ZBTB8B: variants seen among roughly 807,000 people sequenced by gnomAD.
ZBTB8B encodes the protein zinc finger and BTB domain-containing protein 8B.
A neutral mutation model predicts 30.3 loss-of-function variants in ZBTB8B; 17 were observed. The observed-to-expected ratio is 0.56, with a 90% CI of 0.38 to 0.84. The LOEUF is 0.84. ZBTB8B is among the 40% of genes least tolerant of loss of function. ZBTB8B has a pLI of 0.00. For synonymous variants in ZBTB8B, 248 were observed against 255.6 expected (o/e 0.97, Z 0.28); for missense variants, 515 against 644.9 (o/e 0.80, Z 2.18).
In ZBTB8B at chr1:32,495,596, C is replaced by T. The variant is rs1233348924; in HGVS notation, c.*10178C>T. The T allele has an allele frequency of 6.6e-6, 1 of 152,188 alleles. No homozygotes were observed. The highest frequency in any genetic ancestry group is 1.9e-4 in the East Asian group (1 of 5,196). The allele number at this position is 152,188 out of a possible 1,614,324, so 9.4% of individuals were successfully genotyped here. The stretch of plus-strand genomic sequence containing the variant: ...AAAAGTCCTTTGTTCCTCTGTTGCT[C>T]ATTTTGTCCTCGGAAACAAATACAA... On this transcript the variant is annotated 3_prime_UTR_variant, in exon 4 of 4. Coordinates refer to ENST00000609129, the MANE Select transcript of ZBTB8B (RefSeq NM_001145720.2).
At chr1:32,475,478 C>T (rs555389849) in intron 2 of ZBTB8B, among the ~76,000 whole-genome samples, 3 of 152,062 alleles carry the variant, frequency 2.0e-5, no homozygotes, top group East Asian at 1.9e-4. Flanking sequence ...CCCAGCTACT[C>T]GGGAGGCTGA....
chr1:32,482,290 T>C (rs901403071), intron 3 of ZBTB8B, among the ~76,000 whole-genome samples: 3 of 151,108 alleles, frequency 2.0e-5, no homozygotes, highest in African/African-American at 7.3e-5. Context: ...TGAGCCACCA[T>C]GTGCAGTTAT....
intron 2 of ZBTB8B, among the ~76,000 whole-genome samples, chr1:32,474,758 T>A (rs1246929086): frequency 6.6e-6 from 1 of 152,138 alleles, no homozygotes; most frequent in African/African-American, 2.4e-5. Flanking sequence ...GCAGAGGAAA[T>A]ATGGAGAAAC....
At position 32,485,520 on chromosome 1, in the gene ZBTB8B, T is replaced by A; in HGVS notation, c.*102T>A. On this transcript the variant is annotated 3_prime_UTR_variant, in exon 4 of 4. Transcript: ENST00000609129. ...ATTTTGTGGAACCCTGAGAGGAACATTTTTTCACTGTTATTATATGTGCAT... is the reference window on the plus strand; with the variant it reads ...ATTTTGTGGAACCCTGAGAGGAACAATTTTTCACTGTTATTATATGTGCAT... 1.7e-6 allele frequency: 2 copies of A among 1,159,688 alleles called. No homozygotes were observed. Among genetic ancestry groups the A allele is most frequent in the Non-Finnish European group, 2.4e-6 (2 of 827,522 alleles). The allele number at this position is 1,159,688 out of a possible 1,614,324, so 71.8% of individuals were successfully genotyped here.
Position 32,489,303 on chromosome 1 carries a change from C to G in ZBTB8B, c.*3885C>G, listed in dbSNP as rs1250490856. The G allele has an allele frequency of 6.6e-6, 1 of 152,146 alleles. No homozygotes were observed. Among genetic ancestry groups the G allele is most frequent in the African/African-American group, 2.4e-5 (1 of 41,436 alleles). 9.4% of individuals were successfully genotyped at this position (152,146 alleles called of 1,614,324 possible). A position where few individuals can be genotyped will look rare whatever the true frequency, so the allele number is the denominator to read the frequency against. On this transcript the variant is annotated 3_prime_UTR_variant, in exon 4 of 4. Coordinates refer to ENST00000609129, the MANE Select transcript of ZBTB8B (RefSeq NM_001145720.2). ...ATCATTTTGTTAATTTTTAAAGTAG[C>G]AGAATCACTGGGAAGAAAACAGAAT...
chr1:32,469,657 T>C (rs896766521), intron 1 of ZBTB8B, among the ~76,000 whole-genome samples: 1 of 152,152 alleles, frequency 6.6e-6, no homozygotes, highest in Non-Finnish European at 1.5e-5. Flanking sequence ...ATAGACCTGA[T>C]TTTGAGTCCC....
rs1024285332 is a variant in ZBTB8B at position 32,465,979 on chromosome 1, C to G, written c.-42+874C>G. Among the ~76,000 whole-genome samples the G allele has an allele frequency of 6.6e-6, 1 of 152,084 alleles. No individual in the cohort carries two copies. The highest frequency in any genetic ancestry group is 1.5e-5 in the Non-Finnish European group (1 of 68,020). ...GGAGGATCTCTTGAGCCCAGGAGTT[C>G]CAGGCTGCATTGAGGTAGGATCGTG... On this transcript the variant is annotated intron_variant, in intron 1 of 3. Coordinates refer to ENST00000609129, the MANE Select transcript of ZBTB8B (RefSeq NM_001145720.2). The surrounding 1 kb of genome is among the most constrained non-coding windows in gnomAD (Gnocchi z 4.1).
At position 32,479,260 on chromosome 1, in the gene ZBTB8B, C is replaced by T. The variant is rs557392947; in HGVS notation, c.992-1631C>T. On this transcript the variant is annotated intron_variant, in intron 2 of 3. Coordinates refer to ENST00000609129, the MANE Select transcript of ZBTB8B (RefSeq NM_001145720.2). ...AAATCTCGGGCCGGGCATGGTGGCT[C>T]ATGCCTGTAATCCCAGCACTTTGGG... Among the ~76,000 whole-genome samples the T allele has an allele frequency of 4.6e-5, 7 of 152,286 alleles. No individual in the cohort carries two copies. The South Asian group carries it at 1.0e-3, about 23-fold the overall frequency.
In ZBTB8B at chr1:32,496,341, C is replaced by T. The variant is rs1299787466; in HGVS notation, c.*10923C>T. The T allele has an allele frequency of 6.6e-6, 1 of 152,218 alleles. No homozygotes were observed. Among genetic ancestry groups the T allele is most frequent in the African/African-American group, 2.4e-5 (1 of 41,468 alleles). 9.4% of individuals were successfully genotyped at this position (152,218 alleles called of 1,614,324 possible). ...CTACGTGCCGAGCTCTACAGTTACA[C>T]ACTGTCCAACAGCTCTCGGAAGAAA... On this transcript the variant is annotated 3_prime_UTR_variant, in exon 4 of 4. Transcript: ENST00000609129.
chr1:32,485,467 T>C lies in ZBTB8B; in HGVS notation c.*49T>C. On this transcript the variant is annotated 3_prime_UTR_variant, in exon 4 of 4. Coordinates refer to ENST00000609129, the MANE Select transcript of ZBTB8B (RefSeq NM_001145720.2). The stretch of plus-strand genomic sequence containing the variant: ...GGTTTTAAAACTTGTTAGTGCTCGT[T>C]CTGTTGTTGAAAGATACCATTTGTC... 2.0e-6 allele frequency: 3 copies of C among 1,513,292 alleles called. No individual in the cohort carries two copies. Among genetic ancestry groups the C allele is most frequent in the Non-Finnish European group, 2.7e-6 (3 of 1,120,706 alleles). The allele number at this position is 1,513,292 out of a possible 1,614,324, so 93.7% of individuals were successfully genotyped here.
chr1:32,476,945 A>T (rs151248041), intron 2 of ZBTB8B, among the ~76,000 whole-genome samples: 61 of 152,268 alleles, frequency 4.0e-4, no homozygotes, highest in African/African-American at 1.5e-3. Flanking sequence ...GCTCAGTATA[A>T]ATTTGCTGAA....
At position 32,470,587 on chromosome 1, in the gene ZBTB8B, T is replaced by C. The variant is rs552055978; in HGVS notation, c.-38T>C. Reference sequence around the variant, plus strand: ...AACTTAAGAAAAATCTTGGCAGAGATACAGGTTTGCTCTGGAGCAGCAGCA... The same window carrying C: ...AACTTAAGAAAAATCTTGGCAGAGACACAGGTTTGCTCTGGAGCAGCAGCA... On this transcript the variant is annotated 5_prime_UTR_variant, in exon 2 of 4. Transcript: ENST00000609129. 1 of 1,503,420 alleles carries C rather than the reference T, an allele frequency of 6.7e-7. No homozygotes were observed. The highest frequency in any genetic ancestry group is 2.5e-5 in the East Asian group (1 of 39,494). 93.1% of individuals were successfully genotyped at this position (1,503,420 alleles called of 1,614,324 possible).
chr1:32,484,241 C>T lies in ZBTB8B; in HGVS notation c.1171-860C>T, dbSNP rs1643727865. ...AAAAAAAAAAATCCCAATCAGTTCA[C>T]TTTCATTTGAGTGCTTTTTGTATGC... On this transcript the variant is annotated intron_variant, in intron 3 of 3. Coordinates refer to ENST00000609129, the MANE Select transcript of ZBTB8B (RefSeq NM_001145720.2). The surrounding 1 kb of genome is among the most constrained non-coding windows in gnomAD (Gnocchi z 4.5). 6.6e-6 allele frequency among the ~76,000 whole-genome samples: 1 copy of T among 151,788 alleles called. No homozygotes were observed. The highest frequency in any genetic ancestry group is 1.9e-4 in the East Asian group (1 of 5,178).
At chr1:32,480,062 G>T (rs1643692736) in intron 2 of ZBTB8B, among the ~76,000 whole-genome samples, 1 of 152,222 alleles carries the variant, frequency 6.6e-6, no homozygotes, top group African/African-American at 2.4e-5. Context: ...TCCAAGTTCT[G>T]AAGGTAGTGA....
chr1:32,481,762 TC>T (rs1053984147), intron 3 of ZBTB8B, among the ~76,000 whole-genome samples: 4 of 152,166 alleles, frequency 2.6e-5, no homozygotes, highest in Non-Finnish European at 5.9e-5. Flanking sequence ...CTCTCCCACC[TC>T]CCACCCTCCG....
chr1:32,485,233 G>A lies in ZBTB8B; in HGVS notation c.1303G>A (p.Asp435Asn). The A allele has an allele frequency of 6.4e-7, 1 of 1,552,030 alleles. No homozygotes were observed. Among genetic ancestry groups the A allele is most frequent in the South Asian group, 1.2e-5 (1 of 84,054 alleles). ...TCVTDTPDDD[D>N]DLMPINLSLV... ...CGTTACAGACACACCCGATGATGAT[G>A]ATGATTTGATGCCCATCAACCTTAG... The change falls in exon 4 of 4, where the codon GAT (aspartate) becomes AAT (asparagine). Residue 435 changes from aspartate (D) to asparagine (N), a missense_variant. Around this residue, in one of 3 missense-constraint regions of ZBTB8B, gnomAD observed 429 missense variants for 504.3 expected, o/e 0.85. Coordinates refer to ENST00000609129, the MANE Select transcript of ZBTB8B (RefSeq NM_001145720.2).
At position 32,482,930 on chromosome 1, in the gene ZBTB8B, T is replaced by A. The variant is rs1014816242; in HGVS notation, c.1170+1861T>A. 7.2e-5 allele frequency among the ~76,000 whole-genome samples: 11 copies of A among 152,032 alleles called. No homozygotes were observed. The East Asian group carries it at 2.1e-3, about 29-fold the overall frequency. ...AGGGTAAATGCAAATCAAAGTGAGA[T>A]GCCACTTCCCACCCACTAGGACTGC... On this transcript the variant is annotated intron_variant, in intron 3 of 3. Coordinates refer to ENST00000609129, the MANE Select transcript of ZBTB8B (RefSeq NM_001145720.2).
Position 32,491,834 on chromosome 1 carries a change from G to A in ZBTB8B, c.*6416G>A, listed in dbSNP as rs1643781639. The A allele has an allele frequency of 6.6e-6, 1 of 152,174 alleles. No homozygotes were observed. Among genetic ancestry groups the A allele is most frequent in the Admixed American group, 6.5e-5 (1 of 15,282 alleles). 9.4% of individuals were successfully genotyped at this position (152,174 alleles called of 1,614,324 possible). A position where few individuals can be genotyped will look rare whatever the true frequency, so the allele number is the denominator to read the frequency against. ...GCAGTTGACATATGAATTTTTATTA[G>A]GTTGCCAGGGGAACAGAGCTAGAAA... On this transcript the variant is annotated 3_prime_UTR_variant, in exon 4 of 4. Coordinates refer to ENST00000609129, the MANE Select transcript of ZBTB8B (RefSeq NM_001145720.2).
chr1:32,479,343 G>A (rs1643687443), intron 2 of ZBTB8B, among the ~76,000 whole-genome samples: 1 of 152,040 alleles, frequency 6.6e-6, no homozygotes, highest in East Asian at 1.9e-4. Flanking sequence ...GGCCAACATG[G>A]TGAAACCCCG....
Sources: gnomAD v4.1 joint callset for allele counts (sites outside exome capture counted in the v4.1 genomes callset) on GRCh38, gnomAD v4.1.1 for gene constraint, gnomAD v4.1.1 regional missense constraint, Gnocchi (gnomAD v3.1) non-coding constraint, MANE v1.5 for transcripts, NCBI Gene and HGNC (gene_info 2026-07-23, HGNC 2026-07-21) for gene names.